Variants in EPC1 observed in about 807,000 individuals in gnomAD.
EPC1 encodes the protein enhancer of polycomb 1.
Under a neutral mutation model 98.4 loss-of-function variants are expected in EPC1, and 12 were observed. That is an observed-to-expected ratio of 0.12 (90% confidence interval 0.08 to 0.20). EPC1 has a LOEUF of 0.20. EPC1 is among the 10% of genes least tolerant of loss of function. EPC1 has a pLI of 1.00. For missense variants in EPC1, 729 were observed against 990.5 expected (o/e 0.74, Z 3.54); for synonymous variants, 357 against 363.9 (o/e 0.98, Z 0.21).
chr10:32,344,417 GA>G (rs11361232), intron 1 of EPC1, among the ~76,000 whole-genome samples: 5,200 of 145,790 alleles, frequency 0.036, 280 homozygotes, highest in African/African-American at 0.12. Flanking sequence ...GCAATCTGAA[GA>G]AAAAAAAAAA....
At chr10:32,294,529 T>C (rs1210872967) in intron 2 of EPC1, among the ~76,000 whole-genome samples, 1 of 152,214 alleles carries the variant, frequency 6.6e-6, no homozygotes, top group African/African-American at 2.4e-5. Flanking sequence ...AATTTCGAAC[T>C]GCGGAGCATT....
intron 1 of EPC1, among the ~76,000 whole-genome samples, chr10:32,344,418 A>G (rs75915430): frequency 1.4e-5 from 2 of 138,856 alleles, no homozygotes; most frequent in African/African-American, 3.2e-5. Flanking sequence ...CAATCTGAAG[A>G]AAAAAAAAAA....
chr10:32,345,704 A>G, intron 1 of EPC1: 1 of 850,240 alleles, frequency 1.2e-6, no homozygotes, highest in Non-Finnish European at 1.4e-6. Flanking sequence ...CAGCGATGGT[A>G]AAATGTCTAT....
chr10:32,341,207 T>A (rs771629316), intron 1 of EPC1, among the ~76,000 whole-genome samples: 1 of 152,226 alleles, frequency 6.6e-6, no homozygotes, highest in African/African-American at 2.4e-5. Flanking sequence ...CAATTAAGCA[T>A]CCTTAACTTT....
At chr10:32,342,268 A>T (rs918420594) in intron 1 of EPC1, among the ~76,000 whole-genome samples, 2 of 152,224 alleles carry the variant, frequency 1.3e-5, no homozygotes, top group Admixed American at 6.5e-5. Context: ...AGCTCCAGAT[A>T]AAGGGACTAA....
chr10:32,350,292 G>T (rs1470906693), upstream of EPC1, among the ~76,000 whole-genome samples: 1 of 152,178 alleles, frequency 6.6e-6, no homozygotes, highest in Non-Finnish European at 1.5e-5. Flanking sequence ...TAAAACACTG[G>T]TAAATGGATA....
At chr10:32,306,292 AAAATATTTTATTGAT>A (rs1455674991) in intron 1 of EPC1, among the ~76,000 whole-genome samples, 1 of 152,244 alleles carries the variant, frequency 6.6e-6, no homozygotes, top group Non-Finnish European at 1.5e-5. Context: ...GCTATGGTTA[AAAATATTTTATTGAT>A]TCAAATCTCT....
At chr10:32,290,906 C>T (rs1343986740) in intron 6 of EPC1, among the ~76,000 whole-genome samples, 1 of 151,892 alleles carries the variant, frequency 6.6e-6, no homozygotes, top group Non-Finnish European at 1.5e-5. Context: ...TCCCTAGTAG[C>T]TGGGATTGCA....
intron 3 of EPC1, 101 bp downstream of exon 3, chr10:32,293,491 C>T: frequency 9.0e-7 from 1 of 1,112,592 alleles, no homozygotes; most frequent in African/African-American, 1.6e-5. Flanking sequence ...ACTCTAAAGC[C>T]TGACTGATTA....
At position 32,292,625 on chromosome 10, in the gene EPC1, G is replaced by A; in HGVS notation, c.686C>T (p.Ala229Val). 3 of 1,603,130 alleles carry A rather than the reference G, an allele frequency of 1.9e-6. No individual in the cohort carries two copies. The highest frequency in any genetic ancestry group is 2.5e-6 in the Non-Finnish European group (3 of 1,177,100). The part of the protein sequence containing the change: ...QTRKNRKNDE[A>V]SYEKMLKLRR... The stretch of plus-strand genomic sequence containing the variant: ...CAGCTTAAGCATTTTTTCGTAAGAG[G>A]CTTCATCATTTTTGCGATTCTGCAA... The change falls in exon 5 of 14, where the codon GCC (alanine) becomes GTC (valine). Residue 229 changes from alanine (A) to valine (V), a missense_variant. Physicochemically the swap from Ala to Val is moderately conservative, Grantham distance 64 (BLOSUM62 0). Around this residue, in one of 6 missense-constraint regions of EPC1, gnomAD observed 39 missense variants for 94.9 expected, o/e 0.41. Coordinates refer to ENST00000319778, the MANE Select transcript of EPC1 (RefSeq NM_001272004.3).
chr10:32,296,578 A>G (rs2132758007), intron 2 of EPC1, among the ~76,000 whole-genome samples: 1 of 152,296 alleles, frequency 6.6e-6, no homozygotes, highest in Middle Eastern at 3.4e-3. Context: ...TTGCCTCTGC[A>G]AGAGGCTTTT....
intron 1 of EPC1, among the ~76,000 whole-genome samples, chr10:32,375,837 A>ATC (rs1486035201): frequency 6.6e-6 from 1 of 152,020 alleles, no homozygotes; most frequent in Non-Finnish European, 1.5e-5. Context: ...AACTGTTACC[A>ATC]TGAAAGACTG....
intron 10 of EPC1, among the ~76,000 whole-genome samples, chr10:32,281,070 T>C (rs1836387404): frequency 6.6e-6 from 1 of 152,114 alleles, no homozygotes; most frequent in Admixed American, 6.6e-5. Flanking sequence ...AGTCTTGCCC[T>C]GTCACCCAGG....
At chr10:32,280,474 C>T (rs1183360334) in intron 10 of EPC1, among the ~76,000 whole-genome samples, 1 of 148,376 alleles carries the variant, frequency 6.7e-6, no homozygotes, top group Non-Finnish European at 1.5e-5. Context: ...GGCACGGTGG[C>T]TCACGCCTGT....
intron 1 of EPC1, among the ~76,000 whole-genome samples, chr10:32,331,090 T>G (rs577739067): frequency 6.6e-6 from 1 of 152,294 alleles, no homozygotes; most frequent in South Asian, 2.1e-4. Context: ...AAAAGACTGC[T>G]ATTTTCTTTT....
At chr10:32,343,491 G>A (rs538948732) in intron 1 of EPC1, among the ~76,000 whole-genome samples, 2 of 152,252 alleles carry the variant, frequency 1.3e-5, no homozygotes, top group South Asian at 2.1e-4. Flanking sequence ...GATTACAGGC[G>A]TGAGCCACCG....
chr10:32,326,860 C>T (rs1837309261), intron 1 of EPC1, among the ~76,000 whole-genome samples: 1 of 152,016 alleles, frequency 6.6e-6, no homozygotes, highest in Non-Finnish European at 1.5e-5. Flanking sequence ...TCACCTCACT[C>T]AAGTGAGAAC....
chr10:32,355,971 A>G (rs2479351), intron 1 of EPC1, among the ~76,000 whole-genome samples: 83,635 of 152,066 alleles, frequency 0.55, 26,564 homozygotes, highest in East Asian at 0.72. Flanking sequence ...AGTAATGCAC[A>G]TACAAATCAG....
chr10:32,285,712 A>T (rs1302852845), intron 9 of EPC1: 1 of 152,254 alleles, frequency 6.6e-6, no homozygotes, highest in African/African-American at 2.4e-5. Context: ...TCTTGACCTC[A>T]AGTGATCCAC....
Sources: allele counts gnomAD v4.1 joint callset (sites outside exome capture counted in the v4.1 genomes callset), GRCh38; gene constraint gnomAD v4.1.1; regional missense constraint gnomAD v4.1.1; transcripts MANE v1.5; gene names NCBI Gene and HGNC (gene_info 2026-07-23, HGNC 2026-07-21).